The following CPSF2 variants were observed in gnomAD, a reference collection of about 807,000 sequenced individuals.
CPSF2 encodes cleavage and polyadenylation specificity factor subunit 2.
A neutral mutation model predicts 84.2 loss-of-function variants in CPSF2; 51 were observed. The ratio of observed to expected loss-of-function variants is 0.61; its 90% CI spans 0.48 to 0.77. The LOEUF (loss-of-function observed/expected upper bound fraction) is 0.77. Ranked by LOEUF, CPSF2 falls within the 30% of genes least tolerant of loss-of-function variation. CPSF2 has a pLI of 0.00. For missense variants in CPSF2, 641 were observed against 929.4 expected, an observed-to-expected ratio of 0.69 and a Z score of 4.03; for synonymous variants, 286 against 311.9, an observed-to-expected ratio of 0.92 and a Z score of 0.87.
chr14:92,170,318 C>G lies in CPSF2; in HGVS notation c.*8574C>G, dbSNP rs540576775. On this transcript the variant is annotated 3_prime_UTR_variant, in exon 16 of 16. Coordinates refer to ENST00000298875, the MANE Select transcript of CPSF2 (RefSeq NM_017437.3). Reference sequence around the variant, plus strand: ...CCATATTTTCCATACCACTCTCTAGCTATGTATTCACATTATTTTTTGAAC... The same window carrying G: ...CCATATTTTCCATACCACTCTCTAGGTATGTATTCACATTATTTTTTGAAC... The G allele has an allele frequency of 3.3e-5, 5 of 152,192 alleles. No individual in the cohort carries two copies. The highest frequency in any genetic ancestry group is 2.9e-5 in the Non-Finnish European group (2 of 68,036). The allele number at this position is 152,192 out of a possible 1,614,324, so 9.4% of individuals were successfully genotyped here.
chr14:92,151,873 C>CA (rs549043554), intron 9 of CPSF2, among the ~76,000 whole-genome samples: 7 of 151,294 alleles, frequency 4.6e-5, no homozygotes, highest in Admixed American at 1.3e-4. Context: ...TCGGTCTCTA[C>CA]AAAAAAAATA....
intron 2 of CPSF2, among the ~76,000 whole-genome samples, chr14:92,129,568 A>G (rs2068888869): frequency 6.6e-6 from 1 of 152,182 alleles, no homozygotes; most frequent in Non-Finnish European, 1.5e-5. Flanking sequence ...CTACTTGCAT[A>G]GTTAGCCAGG....
rs200102875 is a variant in CPSF2 at position 92,167,775 on chromosome 14, G to A, written c.*6031G>A. 1 of 97,294 alleles carries A rather than the reference G, an allele frequency of 1.0e-5. No individual in the cohort carries two copies. The highest frequency in any genetic ancestry group is 2.1e-5 in the Non-Finnish European group (1 of 46,724). 6.0% of individuals were successfully genotyped at this position (97,294 alleles called of 1,614,324 possible). ...TCTTCTGTACTTTTCTTTGATTAAT[G>A]TAAGAGTCTAGAGTTTTATCAGAAG... On this transcript the variant is annotated 3_prime_UTR_variant, in exon 16 of 16. Transcript: ENST00000298875.
chr14:92,141,723 A>T (rs1316962254), intron 7 of CPSF2, among the ~76,000 whole-genome samples: 1 of 152,104 alleles, frequency 6.6e-6, no homozygotes, highest in Non-Finnish European at 1.5e-5. Context: ...GGCTGTATAT[A>T]TAATTATGTG....
Position 92,155,131 on chromosome 14 carries a change from T to C in CPSF2, c.1250T>C (p.Ile417Thr), listed in dbSNP as rs750265798. ...KKLEQSKEADIDSSDESDIEE... is the reference protein window; with the variant it reads ...KKLEQSKEADTDSSDESDIEE... ...TTCTAAAATCCTCCTAGGGCAGATATAGATTCCAGTGATGAGAGTGATATT... is the reference window on the plus strand; with the variant it reads ...TTCTAAAATCCTCCTAGGGCAGATACAGATTCCAGTGATGAGAGTGATATT... The change falls in exon 11 of 16, where the codon ATA becomes ACA. Residue 417 changes from isoleucine to threonine, a missense_variant. By Grantham distance (89) the Ile-to-Thr change is moderately conservative. This residue lies in a region of CPSF2 where 430 missense variants were observed against 553.6 expected (regional missense o/e 0.78). Coordinates refer to ENST00000298875, the MANE Select transcript of CPSF2 (RefSeq NM_017437.3). 1.9e-6 allele frequency: 3 copies of C among 1,612,054 alleles called. No homozygotes were observed. The highest frequency in any genetic ancestry group is 1.7e-5 in the Admixed American group (1 of 60,018).
chr14:92,153,735 G>T (rs577563126), intron 9 of CPSF2, among the ~76,000 whole-genome samples: 1 of 141,228 alleles, frequency 7.1e-6, no homozygotes, highest in East Asian at 2.1e-4. Flanking sequence ...ACAGAGTATT[G>T]CTTTGTCACC....
chr14:92,142,400 T>C (rs1425193352), intron 8 of CPSF2, 49 bp downstream of exon 8: 1 of 1,401,594 alleles, frequency 7.1e-7, no homozygotes, highest in Non-Finnish European at 9.7e-7. Flanking sequence ...AGTGATTGGG[T>C]CTGTGGAAGT....
At chr14:92,128,749 A>G (rs775460040) in intron 2 of CPSF2, among the ~76,000 whole-genome samples, 12 of 152,210 alleles carry the variant, frequency 7.9e-5, no homozygotes, top group East Asian at 1.9e-4. Flanking sequence ...GATTTTTGCA[A>G]TGGGAATACT....
At chr14:92,154,614 G>A (rs1229952696) in intron 10 of CPSF2, among the ~76,000 whole-genome samples, 156 bp downstream of exon 10, 1 of 152,164 alleles carries the variant, frequency 6.6e-6, no homozygotes, top group Non-Finnish European at 1.5e-5. Context: ...GATCCTGTCA[G>A]TGCTAATATT....
In CPSF2 at chr14:92,143,274, G is replaced by GA; in HGVS notation, c.1126dup (p.Ile376AsnfsTer13). ...ACGTTTCCTAATTGATAATCCTTCT[G>GA]AAAAAATTACAGAAATAGAGGTAAG... On this transcript the variant is annotated frameshift_variant, in exon 9 of 16. Coordinates refer to ENST00000298875, the MANE Select transcript of CPSF2 (RefSeq NM_017437.3). LOFTEE classifies it high-confidence loss of function. The GA allele has an allele frequency of 1.2e-6, 2 of 1,604,678 alleles. No individual in the cohort carries two copies. Among genetic ancestry groups the GA allele is most frequent in the Non-Finnish European group, 8.5e-7 (1 of 1,175,564 alleles).
At position 92,164,588 on chromosome 14, in the gene CPSF2, A is replaced by G. The variant is rs1403064666; in HGVS notation, c.*2844A>G. On this transcript the variant is annotated 3_prime_UTR_variant, in exon 16 of 16. Transcript: ENST00000298875. ...AGCAAGTATAGGTATAACGTGGACT[A>G]TCAACTGATATCTGCAAATAATTTG... The G allele has an allele frequency of 2.0e-5, 3 of 152,270 alleles. No homozygotes were observed. Among genetic ancestry groups the G allele is most frequent in the East Asian group, 1.9e-4 (1 of 5,202 alleles). The allele number at this position is 152,270 out of a possible 1,614,324, so 9.4% of individuals were successfully genotyped here. A position where few individuals can be genotyped will look rare whatever the true frequency, so the allele number is the denominator to read the frequency against.
intron 1 of CPSF2, among the ~76,000 whole-genome samples, chr14:92,122,639 C>T (rs929109797): frequency 2.0e-5 from 3 of 152,142 alleles, no homozygotes; most frequent in African/African-American, 7.2e-5. Context: ...GCCTTCGCGC[C>T]CTCCCGCCAT....
At chr14:92,133,726 T>G (rs1426493719) in intron 3 of CPSF2, among the ~76,000 whole-genome samples, 1 of 151,534 alleles carries the variant, frequency 6.6e-6, no homozygotes, top group Non-Finnish European at 1.5e-5. Flanking sequence ...TTGGCCTCCC[T>G]AAGTGCTGGG....
chr14:92,151,468 T>C (rs1479875332), intron 9 of CPSF2, among the ~76,000 whole-genome samples: 1 of 151,024 alleles, frequency 6.6e-6, no homozygotes, highest in Non-Finnish European at 1.5e-5. Context: ...CAACAGAGTA[T>C]AAAAAGTCTA....
rs955317868 is a variant in CPSF2 at position 92,166,501 on chromosome 14, C to T, written c.*4757C>T. 6.6e-6 allele frequency: 1 copy of T among 152,102 alleles called. No individual in the cohort carries two copies. Among genetic ancestry groups the T allele is most frequent in the Non-Finnish European group, 1.5e-5 (1 of 68,038 alleles). The allele number at this position is 152,102 out of a possible 1,614,324, so 9.4% of individuals were successfully genotyped here. A position where few individuals can be genotyped will look rare whatever the true frequency, so the allele number is the denominator to read the frequency against. On this transcript the variant is annotated 3_prime_UTR_variant, in exon 16 of 16. Coordinates refer to ENST00000298875, the MANE Select transcript of CPSF2 (RefSeq NM_017437.3). ...AGCTGAGATTACAAGTGTGTGCCAC[C>T]ATGCCTGACTAATTTTTAAAATTTT...
intron 7 of CPSF2, among the ~76,000 whole-genome samples, chr14:92,141,726 A>G (rs1392840596): frequency 6.6e-6 from 1 of 152,070 alleles, no homozygotes; most frequent in Non-Finnish European, 1.5e-5. Context: ...TGTATATATA[A>G]TTATGTGAGT....
At position 92,169,519 on chromosome 14, in the gene CPSF2, C is replaced by T. The variant is rs1567030695; in HGVS notation, c.*7775C>T. 1 of 151,966 alleles carries T rather than the reference C, an allele frequency of 6.6e-6. No individual in the cohort carries two copies. The highest frequency in any genetic ancestry group is 1.5e-5 in the Non-Finnish European group (1 of 68,006). The allele number at this position is 151,966 out of a possible 1,614,324, so 9.4% of individuals were successfully genotyped here. ...GGTTACTATAATTTCCAACTTCACC[C>T]ATAGGTCATGGTATAGTTGAAATTT... On this transcript the variant is annotated 3_prime_UTR_variant, in exon 16 of 16. Coordinates refer to ENST00000298875, the MANE Select transcript of CPSF2 (RefSeq NM_017437.3).
intron 9 of CPSF2, among the ~76,000 whole-genome samples, chr14:92,147,514 A>C (rs2069158620): frequency 6.6e-6 from 1 of 152,198 alleles, no homozygotes; most frequent in Admixed American, 6.5e-5. Context: ...AATAAGATGG[A>C]GATAAAAATT....
intron 6 of CPSF2, 65 bp downstream of exon 6, chr14:92,135,561 A>T: frequency 1.4e-6 from 2 of 1,470,322 alleles, no homozygotes; most frequent in Non-Finnish European, 1.8e-6. Flanking sequence ...TTGGAGAAAA[A>T]ATAAGAAACA....
Sources: gnomAD v4.1 joint callset for allele counts (sites outside exome capture counted in the v4.1 genomes callset) on GRCh38, gnomAD v4.1.1 for gene constraint, gnomAD v4.1.1 regional missense constraint, MANE v1.5 for transcripts, NCBI Gene and HGNC (gene_info 2026-07-23, HGNC 2026-07-21) for gene names.